The following UGP2 variants were observed in gnomAD, a reference collection of about 807,000 sequenced individuals.
UGP2 encodes UTP--glucose-1-phosphate uridylyltransferase.
A neutral mutation model predicts 49.0 loss-of-function variants in UGP2; 40 were observed. The observed-to-expected ratio is 0.82, with a 90% CI of 0.63 to 1.06. The LOEUF is 1.06. Ranked by LOEUF, UGP2 falls within the 50% of genes least tolerant of loss-of-function variation. UGP2 has a pLI of 0.00. For missense variants in UGP2, 460 were observed against 603.5 expected, an observed-to-expected ratio of 0.76 and a Z score of 2.49; for synonymous variants, 225 against 213.0, an observed-to-expected ratio of 1.06 and a Z score of -0.49.
Position 63,842,005 on chromosome 2 carries a change from C to G in UGP2, c.-181C>G. 1 of 687,918 alleles carries G rather than the reference C, an allele frequency of 1.5e-6. No homozygotes were observed. Among genetic ancestry groups the G allele is most frequent in the Non-Finnish European group, 2.1e-6 (1 of 469,088 alleles). 42.6% of individuals were successfully genotyped at this position (687,918 alleles called of 1,614,324 possible). On this transcript the variant is annotated 5_prime_UTR_variant, in exon 1 of 10. Transcript: ENST00000337130. ...AATTGGGGAAGGAGTTTCTTTCTTT[C>G]TTTTCTTTTTTCTTGAGCCAGTTTT...
chr2:63,862,845 G>T, intron 3 of UGP2: 1 of 455,576 alleles, frequency 2.2e-6, no homozygotes, highest in South Asian at 1.6e-5. Context: ...CCACAGGCAG[G>T]CTAACAAGAA....
intron 1 of UGP2, among the ~76,000 whole-genome samples, chr2:63,853,310 C>G (rs1330178449): frequency 6.6e-6 from 1 of 152,004 alleles, no homozygotes; most frequent in Non-Finnish European, 1.5e-5. Context: ...CGGCATAGTT[C>G]ATATTTCCTT....
In UGP2 at chr2:63,842,015, T is replaced by C. The variant is rs1671580378; in HGVS notation, c.-171T>C. On this transcript the variant is annotated 5_prime_UTR_variant, in exon 1 of 10. Coordinates refer to ENST00000337130, the MANE Select transcript of UGP2 (RefSeq NM_006759.4). ...GGAGTTTCTTTCTTTCTTTTCTTTT[T>C]TCTTGAGCCAGTTTTAATCGCTTTG... The C allele has an allele frequency of 2.7e-6, 2 of 736,484 alleles. No individual in the cohort carries two copies. The highest frequency in any genetic ancestry group is 3.6e-5 in the African/African-American group (2 of 55,228). The allele number at this position is 736,484 out of a possible 1,614,324, so 45.6% of individuals were successfully genotyped here.
upstream of UGP2, chr2:63,841,064 G>C (rs114041662): frequency 5.5e-4 from 84 of 152,742 alleles, no homozygotes; most frequent in African/African-American, 1.4e-3. Flanking sequence ...GGTGGACAAG[G>C]GGGGGTTAGC....
At chr2:63,877,061 G>T (rs1670954786) in intron 3 of UGP2, among the ~76,000 whole-genome samples, 1 of 152,220 alleles carries the variant, frequency 6.6e-6, no homozygotes. Context: ...CAAAGAAATT[G>T]CAGTTGTTAC....
At chr2:63,862,353 C>G (rs1033146752) in intron 3 of UGP2, among the ~76,000 whole-genome samples, 3 of 152,040 alleles carry the variant, frequency 2.0e-5, no homozygotes, top group Admixed American at 1.3e-4. Flanking sequence ...AGCAGACATA[C>G]TAATTTAGCA....
At chr2:63,841,244 T>G (rs1671512774), upstream of UGP2, 1 of 151,660 alleles carries the variant, frequency 6.6e-6, no homozygotes, top group African/African-American at 2.4e-5. Flanking sequence ...TGGGTCTCGC[T>G]GGCGGCTTGA....
At chr2:63,844,004 T>G (rs1671758609) in intron 1 of UGP2, among the ~76,000 whole-genome samples, 2 of 152,238 alleles carry the variant, frequency 1.3e-5, no homozygotes, top group Non-Finnish European at 2.9e-5. Context: ...CAAGCTGTCC[T>G]CCTGCGTTAG....
chr2:63,857,557 G>C (rs972343151), intron 2 of UGP2: 1 of 488,378 alleles, frequency 2.0e-6, no homozygotes, highest in Non-Finnish European at 4.0e-6. Flanking sequence ...TAGACACCGG[G>C]TTTTGCCATA....
Position 63,857,943 on chromosome 2 carries a change from T to C in UGP2, c.255+7T>C. ...GAGACCCCCTGAAGATTCGGTAAGT[T>C]TTAGATAAAATGTAGGAAAATGTAG... is the stretch of plus-strand genomic sequence containing the variant. On this transcript the variant is annotated splice_region_variant and intron_variant, in intron 3 of 9. Transcript: ENST00000337130. 3.7e-6 allele frequency: 6 copies of C among 1,612,372 alleles called. No homozygotes were observed. The highest frequency in any genetic ancestry group is 1.3e-5 in the African/African-American group (1 of 74,860).
At chr2:63,875,860 G>C (rs1670874403) in intron 3 of UGP2, among the ~76,000 whole-genome samples, 1 of 152,182 alleles carries the variant, frequency 6.6e-6, no homozygotes, top group African/African-American at 2.4e-5. Flanking sequence ...TTGGGAAAGA[G>C]AGAAACAGGG....
chr2:63,844,366 C>A (rs1204280687), intron 1 of UGP2, among the ~76,000 whole-genome samples: 1 of 152,080 alleles, frequency 6.6e-6, no homozygotes, highest in Non-Finnish European at 1.5e-5. Flanking sequence ...ATTGATATTT[C>A]CAATCACTGG....
intron 3 of UGP2, among the ~76,000 whole-genome samples, chr2:63,881,863 G>T (rs567801038): frequency 2.0e-5 from 3 of 152,310 alleles, no homozygotes; most frequent in Non-Finnish European, 4.4e-5. Context: ...GGTGACACCT[G>T]AAAGTTAAAT....
chr2:63,846,456 AT>A (rs796324044), intron 1 of UGP2, among the ~76,000 whole-genome samples: 1 of 150,652 alleles, frequency 6.6e-6, no homozygotes, highest in South Asian at 2.1e-4. Context: ...AAAAAAAATG[AT>A]TCTAAATGTG....
intron 3 of UGP2, chr2:63,862,891 A>G (rs1360798946): frequency 2.2e-6 from 1 of 456,056 alleles, no homozygotes; most frequent in Admixed American, 2.4e-5. Flanking sequence ...AGAGTCCTTT[A>G]CTAAGGACTT....
At chr2:63,877,161 T>C (rs963861824) in intron 3 of UGP2, among the ~76,000 whole-genome samples, 1 of 152,262 alleles carries the variant, frequency 6.6e-6, no homozygotes, top group African/African-American at 2.4e-5. Context: ...ATCTGGTAGA[T>C]TGCTTTTGCA....
chr2:63,886,311 G>T lies in UGP2; in HGVS notation c.874-30G>T. The T allele has an allele frequency of 2.5e-6, 4 of 1,604,042 alleles. No homozygotes were observed. The Admixed American group carries it at 5.0e-5, about 20-fold the overall frequency. ...AAAAAAATGCACTTGAGACTGATGT[G>T]GAGGCACTCACTATTTTCTGCCTTT... is the stretch of plus-strand genomic sequence containing the variant. On this transcript the variant is annotated intron_variant, in intron 6 of 9. Coordinates refer to ENST00000337130, the MANE Select transcript of UGP2 (RefSeq NM_006759.4).
intron 5 of UGP2, among the ~76,000 whole-genome samples, chr2:63,885,068 C>T (rs541651016): frequency 7.6e-4 from 77 of 100,692 alleles, no homozygotes; most frequent in Middle Eastern, 0.018. Flanking sequence ...TAGTCTGTTG[C>T]GGTGCTAGCT....
chr2:63,887,634 C>A lies in UGP2; in HGVS notation c.1304C>A (p.Ser435Tyr), dbSNP rs1464555732. Residue 435 changes from serine (S) to tyrosine (Y), a missense_variant, in exon 8 of 10, where the codon TCT (serine) becomes TAT (tyrosine). Ser to Tyr is a moderately radical substitution (Grantham distance 144). Transcript: ENST00000337130. ...GTGCCCTTGGTTAAATTAGGCAGTT[C>A]TTTTACGAAGGTACGTAACTATAAA... ...PTVPLVKLGSSFTKVQDYLRR... is the reference protein window; with the variant it reads ...PTVPLVKLGSYFTKVQDYLRR... 6.2e-7 allele frequency: 1 copy of A among 1,614,020 alleles called. No homozygotes were observed. Among genetic ancestry groups the A allele is most frequent in the Non-Finnish European group, 8.5e-7 (1 of 1,179,972 alleles).
Sources: allele counts gnomAD v4.1 joint callset (sites outside exome capture counted in the v4.1 genomes callset), GRCh38; gene constraint gnomAD v4.1.1; transcripts MANE v1.5; gene names NCBI Gene and HGNC (gene_info 2026-07-23, HGNC 2026-07-21).